Variants in EXOC3L1 observed in about 807,000 individuals in gnomAD.
EXOC3L1 encodes exocyst complex component 3-like protein.
A neutral mutation model predicts 83.6 loss-of-function variants in EXOC3L1; 79 were observed. The ratio of observed to expected loss-of-function variants is 0.95; its 90% CI spans 0.79 to 1.14. The LOEUF is 1.14. Ranked by LOEUF, EXOC3L1 falls within the 50% of genes most tolerant of loss-of-function variation. EXOC3L1 has a pLI of 0.00. For synonymous variants in EXOC3L1, 433 were observed against 451.2 expected, an observed-to-expected ratio of 0.96 and a Z score of 0.51; for missense variants, 945 against 972.0, an observed-to-expected ratio of 0.97 and a Z score of 0.37.
intron 9 of EXOC3L1, 84 bp from the exon 10 acceptor site, chr16:67,185,574 G>A (rs1167287729): frequency 1.6e-6 from 2 of 1,277,782 alleles, no homozygotes; most frequent in Admixed American, 3.6e-5. Context: ...GCGCCACCTT[G>A]TGGGGCAAGT....
At position 67,186,814 on chromosome 16, in the gene EXOC3L1, G is replaced by T; in HGVS notation, c.1229C>A (p.Pro410His). The change falls in exon 7 of 14, where the codon CCC becomes CAC. Residue 410 changes from proline (P) to histidine (H), a missense_variant. Physicochemically the swap from Pro to His is moderately conservative, Grantham distance 77. Coordinates refer to ENST00000314586, the MANE Select transcript of EXOC3L1 (RefSeq NM_178516.4). Reference protein sequence around the residue: ...EVAEWGREHGPNTDPSGSYYS... With the variant: ...EVAEWGREHGHNTDPSGSYYS... ...ATAGGAGCCAGACGGGTCTGTGTTG[G>T]GCCCATGCTCCCGGCCCCACTCAGC... 1 of 1,613,682 alleles carries T rather than the reference G, an allele frequency of 6.2e-7. No homozygotes were observed. Among genetic ancestry groups the T allele is most frequent in the Non-Finnish European group, 8.5e-7 (1 of 1,180,022 alleles).
Position 67,186,265 on chromosome 16 carries a change from C to T in EXOC3L1, c.1468G>A (p.Ala490Thr). 1 of 1,577,474 alleles carries T rather than the reference C, an allele frequency of 6.3e-7. No individual in the cohort carries two copies. Among genetic ancestry groups the T allele is most frequent in the Non-Finnish European group, 8.6e-7 (1 of 1,160,674 alleles). The change falls in exon 9 of 14, where the codon GCC (alanine) becomes ACC (threonine). Residue 490 changes from alanine (A) to threonine (T), a missense_variant. Ala to Thr is a moderately conservative substitution (Grantham distance 58). Transcript: ENST00000314586. ...AGTGCTGACTTGTGGTTGAGGGCGG[C>T]CAGTAGGTAGGGCACGTAATGAGGG... is the stretch of plus-strand genomic sequence containing the variant. Reference protein sequence around the residue: ...MAPHYVPYLLAALNHKSALSS... With the variant: ...MAPHYVPYLLTALNHKSALSS...
Position 67,187,363 on chromosome 16 carries a change from T to C in EXOC3L1, c.902A>G (p.Gln301Arg). 1 of 1,612,878 alleles carries C rather than the reference T, an allele frequency of 6.2e-7. No homozygotes were observed. The highest frequency in any genetic ancestry group is 8.5e-7 in the Non-Finnish European group (1 of 1,179,998). Residue 301 changes from glutamine to arginine, a missense_variant, in exon 5 of 14, where the codon CAG becomes CGG. Physicochemically the swap from Gln to Arg is conservative, Grantham distance 43. Transcript: ENST00000314586. ...EALVAPCCPP[Q>R]YNVVQLWAHT... ...GGCCCATAGCTGGACCACGTTGTAC[T>C]GTGGCGGGCAGCAAGGCGCTACTAG...
In EXOC3L1 at chr16:67,187,543, G is replaced by A. The variant is rs1470338066; in HGVS notation, c.722C>T (p.Pro241Leu). The A allele has an allele frequency of 6.2e-7, 1 of 1,602,480 alleles. No homozygotes were observed. The highest frequency in any genetic ancestry group is 8.5e-7 in the Non-Finnish European group (1 of 1,178,100). ...CAGACAGCGCTGACGCCAGTCCCGG[G>A]GGACCTGGCCCAGGGGGGTTGTTCG... ...TGRTTPLGQV[P>L]RDWRQRCLRA... is the part of the protein sequence containing the mutation. Residue 241 changes from proline (P) to leucine (L), a missense_variant, in exon 5 of 14, where the codon CCC becomes CTC. Pro to Leu is a moderately conservative substitution (Grantham distance 98). Coordinates refer to ENST00000314586, the MANE Select transcript of EXOC3L1 (RefSeq NM_178516.4).
rs751763662 is a variant in EXOC3L1, at chr16:67,189,101, G to T, written c.126C>A (p.Tyr42Ter). Residue 42 changes from tyrosine (Y) to a stop codon, truncating the protein, a stop_gained, in exon 3 of 14, where the codon TAC (tyrosine) becomes TAA (stop). Coordinates refer to ENST00000314586, the MANE Select transcript of EXOC3L1 (RefSeq NM_178516.4). LOFTEE classifies it high-confidence loss of function. Reference protein sequence around the residue: ...AALKWASGIFYRPEQLARLGQ... With the variant: ...AALKWASGIF The stretch of plus-strand genomic sequence containing the variant: ...CTAGCCTGGCCAGCTGCTCCGGCCG[G>T]TAGAAGATGCCTGAGGCCCACTTGA... 3.7e-6 allele frequency: 6 copies of T among 1,608,394 alleles called. No individual in the cohort carries two copies. The South Asian group carries it at 5.5e-5, about 15-fold the overall frequency.
Position 67,186,571 on chromosome 16 carries a change from G to C in EXOC3L1, c.1371C>G (p.Gly457=), listed in dbSNP as rs145252751. The stretch of plus-strand genomic sequence containing the variant: ...CCTCAGCAAACCTCCTCAAGAATGT[G>C]CCCAGTTCTGACAGTGCCATGCCAT... The part of the protein sequence containing the change: ...RVHGMALSEL[G]TFLRSFSDAL... Residue 457 remains glycine, a synonymous_variant, in exon 8 of 14, where the codon GGC becomes GGG. Transcript: ENST00000314586. 7 of 1,613,942 alleles carry C rather than the reference G, an allele frequency of 4.3e-6. No homozygotes were observed. Among genetic ancestry groups the C allele is most frequent in the South Asian group, 1.1e-5 (1 of 91,076 alleles).
Position 67,187,640 on chromosome 16 carries a change from C to T in EXOC3L1, c.625G>A (p.Ala209Thr), listed in dbSNP as rs752413889. 5.6e-6 allele frequency: 9 copies of T among 1,609,396 alleles called. No individual in the cohort carries two copies. Among genetic ancestry groups the T allele is most frequent in the Admixed American group, 5.0e-5 (3 of 59,790 alleles). Reference protein sequence around the residue: ...GQAVEAAAGAAGKLAREDPAL... With the variant: ...GQAVEAAAGATGKLAREDPAL... Reference sequence around the variant, plus strand: ...GGGTCCTCCCGTGCCAGCTTCCCTGCGGCCCCTGCAGCTGCTTCCACAGCC... The same window carrying T: ...GGGTCCTCCCGTGCCAGCTTCCCTGTGGCCCCTGCAGCTGCTTCCACAGCC... Residue 209 changes from alanine (A) to threonine (T), a missense_variant, in exon 5 of 14, where the codon GCA becomes ACA. Coordinates refer to ENST00000314586, the MANE Select transcript of EXOC3L1 (RefSeq NM_178516.4).
At position 67,184,481 on chromosome 16, in the gene EXOC3L1, G is replaced by A. The variant is rs374241407; in HGVS notation, c.2154C>T (p.Leu718=). The part of the protein sequence containing the change: ...PPSPRASRRV[L]FSLVPAPALA... ...GCGCGGGCGCGGGCACTAGGCTGAA[G>A]AGGACGCGGCGGCTCGCGCGGGGCG... The change falls in exon 14 of 14, where the codon CTC becomes CTT. Residue 718 remains leucine (L), a synonymous_variant. Coordinates refer to ENST00000314586, the MANE Select transcript of EXOC3L1 (RefSeq NM_178516.4). The A allele has an allele frequency of 1.3e-4, 206 of 1,528,044 alleles. 1 individual carries two copies. In the East Asian group the frequency reaches 4.2e-3, roughly 31 times the overall value. 94.7% of individuals were successfully genotyped at this position (1,528,044 alleles called of 1,614,324 possible). A position where few individuals can be genotyped will look rare whatever the true frequency, so the allele number is the denominator to read the frequency against.
Position 67,187,548 on chromosome 16 carries a change from C to T in EXOC3L1, c.717G>A (p.Gln239=), listed in dbSNP as rs1170964101. The part of the protein sequence containing the change: ...VETGRTTPLG[Q]VPRDWRQRCL... ...AGCGCTGACGCCAGTCCCGGGGGACCTGGCCCAGGGGGGTTGTTCGTCCAG... is the reference window on the plus strand; with the variant it reads ...AGCGCTGACGCCAGTCCCGGGGGACTTGGCCCAGGGGGGTTGTTCGTCCAG... Residue 239 remains glutamine (Q), a synonymous_variant, in exon 5 of 14, where the codon CAG becomes CAA. Transcript: ENST00000314586. The T allele has an allele frequency of 6.2e-7, 1 of 1,602,616 alleles. No individual in the cohort carries two copies. The highest frequency in any genetic ancestry group is 8.5e-7 in the Non-Finnish European group (1 of 1,178,116).
intron 3 of EXOC3L1, 25 bp downstream of exon 3, chr16:67,188,995 C>T (rs773636878): frequency 6.2e-7 from 1 of 1,604,520 alleles, no homozygotes; most frequent in Admixed American, 1.7e-5. Flanking sequence ...AGTCCCAGCA[C>T]CCGCACCCCC....
At position 67,188,956 on chromosome 16, in the gene EXOC3L1, G is replaced by A; in HGVS notation, c.208-16C>T. The A allele has an allele frequency of 6.2e-7, 1 of 1,611,122 alleles. No individual in the cohort carries two copies. The highest frequency in any genetic ancestry group is 2.2e-5 in the East Asian group (1 of 44,822). On this transcript the variant is annotated splice_polypyrimidine_tract_variant and intron_variant, in intron 3 of 13. Coordinates refer to ENST00000314586, the MANE Select transcript of EXOC3L1 (RefSeq NM_178516.4). ...GCATCACTGACTGTGGAAAGATGGA[G>A]CCATGAGGCTGGGCCAGCCCTGCAG...
rs535337809 is a variant in EXOC3L1 at position 67,189,249 on chromosome 16, CTTAT to C, written c.47-73_47-70del. 1.0e-3 allele frequency: 1,327 copies of C among 1,290,368 alleles called. 6 individuals carry two copies. Among genetic ancestry groups the C allele is most frequent in the Admixed American group, 1.9e-3 (60 of 32,198 alleles). 79.9% of individuals were successfully genotyped at this position (1,290,368 alleles called of 1,614,324 possible). A position where few individuals can be genotyped will look rare whatever the true frequency, so the allele number is the denominator to read the frequency against. ...GCCCAACGACCCCAGTCCCAGCTTTCTTATTTATTTATTTATTTATTTATTTGTT... is the reference window on the plus strand; with the variant it reads ...GCCCAACGACCCCAGTCCCAGCTTTCTTATTTATTTATTTATTTATTTGTT... On this transcript the variant is annotated intron_variant, in intron 2 of 13. Transcript: ENST00000314586.
intron 9 of EXOC3L1, 173 bp from the exon 10 acceptor site, chr16:67,185,663 T>A: frequency 1.6e-6 from 1 of 629,698 alleles, no homozygotes. Context: ...AGACGGGCGC[T>A]TGGCGAGCTG....
At position 67,184,766 on chromosome 16, in the gene EXOC3L1, C is replaced by T; in HGVS notation, c.1950G>A (p.Leu650=). 6.3e-7 allele frequency: 1 copy of T among 1,597,016 alleles called. No individual in the cohort carries two copies. The highest frequency in any genetic ancestry group is 8.5e-7 in the Non-Finnish European group (1 of 1,176,674). The change falls in exon 13 of 14, where the codon CTG becomes CTA. Residue 650 remains leucine, a synonymous_variant. Transcript: ENST00000314586. ...GGTCGCGGAGGTTTAGCAGCTCCCT[C>T]AGGGCGAGCAGCACCGGCGCGCAGT... ...NAHCAPVLLA[L]RELLNLRDPA... is the part of the protein sequence containing the mutation.
At position 67,186,224 on chromosome 16, in the gene EXOC3L1, G is replaced by A. The variant is rs772123726; in HGVS notation, c.1496+13C>T. On this transcript the variant is annotated intron_variant, in intron 9 of 13. Coordinates refer to ENST00000314586, the MANE Select transcript of EXOC3L1 (RefSeq NM_178516.4). ...GTTAGTGAAGGTGGGGTTCCCTGGG[G>A]GCCTTCTGGTACCTGAGTGCTGACT... 90 of 1,547,818 alleles carry A rather than the reference G, an allele frequency of 5.8e-5. 1 individual carries two copies. The South Asian group carries it at 1.0e-3, about 17-fold the overall frequency.
intron 1 of EXOC3L1, 119 bp from the exon 2 acceptor site, chr16:67,189,802 C>A (rs1259179895): frequency 8.6e-6 from 9 of 1,041,072 alleles, no homozygotes; most frequent in Non-Finnish European, 7.1e-6. Context: ...CCGGCCCCCT[C>A]GGGAAGTGAG....
In EXOC3L1 at chr16:67,186,998, G is replaced by A. The variant is rs775672116; in HGVS notation, c.1158+23C>T. ...CACAGCAGATAAGTAGGACTTCTCT[G>A]GACCTGTGCCTCAACTACTCACCTG... On this transcript the variant is annotated intron_variant, in intron 6 of 13. Coordinates refer to ENST00000314586, the MANE Select transcript of EXOC3L1 (RefSeq NM_178516.4). The A allele has an allele frequency of 5.0e-6, 8 of 1,613,344 alleles. No homozygotes were observed. In the South Asian group the frequency reaches 6.6e-5, roughly 13 times the overall value.
intron 9 of EXOC3L1, 160 bp from the exon 10 acceptor site, chr16:67,185,650 G>T: frequency 1.5e-6 from 1 of 668,362 alleles, no homozygotes; most frequent in Non-Finnish European, 2.5e-6. Context: ...GACCAGGGCT[G>T]GGAGACGGGC....
In EXOC3L1 at chr16:67,187,237, TG is replaced by T. The variant is rs778570378; in HGVS notation, c.1027del (p.His343MetfsTer8). 1.2e-6 allele frequency: 2 copies of T among 1,611,010 alleles called. No homozygotes were observed. The highest frequency in any genetic ancestry group is 1.7e-4 in the Middle Eastern group (1 of 6,058). ...DAFALLHWAL[H>X]VYLGQEMMGS... ...CAAAGGCACTGACCCCAGGTACACA[TG>T]CAGTGCCCAGTGCAGCAAGGCGAAG... On this transcript the variant is annotated frameshift_variant, in exon 5 of 14. Transcript: ENST00000314586. LOFTEE classifies it high-confidence loss of function.
Sources: gnomAD v4.1 joint callset for allele counts on GRCh38, gnomAD v4.1.1 for gene constraint, MANE v1.5 for transcripts, NCBI Gene and HGNC (gene_info 2026-07-23, HGNC 2026-07-21) for gene names.